The following CLEC5A variants were observed in gnomAD, a reference collection of about 807,000 sequenced individuals.
The protein encoded by CLEC5A is C-type lectin domain containing 5A, also known as C-type lectin domain family 5 member A.
Under a neutral mutation model 24.4 loss-of-function variants are expected in CLEC5A, and 15 were observed. The ratio of observed to expected loss-of-function variants is 0.62; its 90% CI spans 0.41 to 0.95. CLEC5A has a LOEUF of 0.95. CLEC5A is among the 40% of genes least tolerant of loss of function. CLEC5A has a pLI of 0.00. For missense variants in CLEC5A, 211 were observed against 224.0 expected (o/e 0.94, Z 0.37); for synonymous variants, 71 against 72.6 (o/e 0.98, Z 0.11).
Position 141,946,266 on chromosome 7 carries a change from C to T in CLEC5A, c.27G>A (p.Gly9=), listed in dbSNP as rs782162663. ...CAACTTTAAGCACTACCACAATAAG[C>T]CCAGAGATGATCATGTGCCAGTTCA... MNWHMIIS[G]LIVVVLKVVG... The change falls in exon 2 of 7, where the codon GGG becomes GGA. Residue 9 remains glycine (G), a synonymous_variant. Transcript: ENST00000546910. 6.4e-7 allele frequency: 1 copy of T among 1,572,452 alleles called. No individual in the cohort carries two copies. The highest frequency in any genetic ancestry group is 8.6e-7 in the Non-Finnish European group (1 of 1,157,666).
intron 5 of CLEC5A, among the ~76,000 whole-genome samples, chr7:141,935,128 G>A (rs1584845953): frequency 6.6e-6 from 1 of 152,182 alleles, no homozygotes; most frequent in Non-Finnish European, 1.5e-5. Flanking sequence ...CTAAATCACA[G>A]GAGGACTTTC....
chr7:141,944,832 T>C (rs1802904987), intron 3 of CLEC5A, among the ~76,000 whole-genome samples: 1 of 152,200 alleles, frequency 6.6e-6, no homozygotes, highest in African/African-American at 2.4e-5. Context: ...GAAACTACTT[T>C]GAGATTATAA....
chr7:141,928,399 C>T lies in CLEC5A; in HGVS notation c.*1705G>A, dbSNP rs1802360582. ...AGGATTAGGATTTCCTTTCTGTTGT[C>T]TGAGTTCTGGGGCTTGCCTTTGGCT... On this transcript the variant is annotated 3_prime_UTR_variant, in exon 7 of 7. Transcript: ENST00000546910. 1 of 152,488 alleles carries T rather than the reference C, an allele frequency of 6.6e-6. No homozygotes were observed. Among genetic ancestry groups the T allele is most frequent in the South Asian group, 2.1e-4 (1 of 4,834 alleles). The allele number at this position is 152,488 out of a possible 1,614,324, so 9.4% of individuals were successfully genotyped here.
At position 141,933,373 on chromosome 7, in the gene CLEC5A, A is replaced by G. The variant is rs1475507099; in HGVS notation, c.346-1547T>C. On this transcript the variant is annotated intron_variant, in intron 5 of 6. Transcript: ENST00000546910. ...ATAGGCAGGTGGGGAAGCAGCCTGG[A>G]GCTCTTGAGGAACTACGAGATGCTC... Among the ~76,000 whole-genome samples, 4 of 151,932 alleles carry G rather than the reference A, an allele frequency of 2.6e-5. No individual in the cohort carries two copies. In the East Asian group the frequency reaches 7.8e-4, roughly 29 times the overall value.
At chr7:141,931,639 T>TC in intron 6 of CLEC5A, 81 bp downstream of exon 6, 1 of 805,062 alleles carries the variant, frequency 1.2e-6, no homozygotes, top group Non-Finnish European at 2.3e-6. Flanking sequence ...TTTGAGCTAT[T>TC]CCAGGGTGAA....
intron 6 of CLEC5A, 89 bp downstream of exon 6, chr7:141,931,631 T>C: frequency 1.3e-6 from 1 of 770,836 alleles, no homozygotes; most frequent in Non-Finnish European, 2.4e-6. Flanking sequence ...TGTCAGCGTT[T>C]GAGCTATTCC....
At chr7:141,941,528 G>A (rs1397211560) in intron 4 of CLEC5A, among the ~76,000 whole-genome samples, 1 of 151,998 alleles carries the variant, frequency 6.6e-6, no homozygotes, top group Non-Finnish European at 1.5e-5. Context: ...TGGCAAGGCC[G>A]CACTCGCTTT....
chr7:141,933,508 C>A (rs1410358954), intron 5 of CLEC5A, among the ~76,000 whole-genome samples: 1 of 146,454 alleles, frequency 6.8e-6, no homozygotes, highest in Admixed American at 6.9e-5. Flanking sequence ...CATGGATGTG[C>A]TTTGGTCAAG....
At chr7:141,938,546 AATAG>A (rs1443418133) in intron 4 of CLEC5A, among the ~76,000 whole-genome samples, 2 of 152,188 alleles carry the variant, frequency 1.3e-5, no homozygotes, top group East Asian at 3.9e-4. Context: ...GAAGTAGAGA[AATAG>A]ATAGGGGTAG....
Position 141,935,958 on chromosome 7 carries a change from G to C in CLEC5A, c.209-8C>G, listed in dbSNP as rs1554441039. ...CCCAGTCTTTGGGGCAGACTGAAGA[G>C]GTCCAAGAAAGGAGAGTACGAGTTT... is the stretch of plus-strand genomic sequence containing the variant. On this transcript the variant is annotated splice_region_variant and splice_polypyrimidine_tract_variant and intron_variant, in intron 4 of 6. Coordinates refer to ENST00000546910, the MANE Select transcript of CLEC5A (RefSeq NM_013252.3). 2 of 1,612,030 alleles carry C rather than the reference G, an allele frequency of 1.2e-6. No individual in the cohort carries two copies. Among genetic ancestry groups the C allele is most frequent in the African/African-American group, 2.7e-5 (2 of 75,002 alleles).
intron 5 of CLEC5A, among the ~76,000 whole-genome samples, chr7:141,934,626 T>TG (rs1802564258): frequency 1.6e-5 from 2 of 126,276 alleles, no homozygotes; most frequent in East Asian, 2.3e-4. Context: ...TTTTTTTTTT[T>TG]TTTTTTTTTT....
chr7:141,945,553 TG>T (rs1288374161), intron 2 of CLEC5A, among the ~76,000 whole-genome samples, 153 bp from the exon 3 acceptor site: 1 of 152,180 alleles, frequency 6.6e-6, no homozygotes, highest in Admixed American at 6.5e-5. Context: ...AATGTGGTTT[TG>T]TGAATACGTT....
At chr7:141,932,538 T>G (rs1297198987) in intron 5 of CLEC5A, among the ~76,000 whole-genome samples, 2 of 152,228 alleles carry the variant, frequency 1.3e-5, no homozygotes, top group Non-Finnish European at 2.9e-5. Context: ...CCATGGCTAT[T>G]TCCTTAGTTT....
intron 5 of CLEC5A, 44 bp downstream of exon 5, chr7:141,935,770 T>C: frequency 6.3e-7 from 1 of 1,596,066 alleles, no homozygotes. Context: ...CCACTGAGGC[T>C]GTGTGGAGTG....
At position 141,935,874 on chromosome 7, in the gene CLEC5A, GC is replaced by G; in HGVS notation, c.284del (p.Ser95ThrfsTer21). On this transcript the variant is annotated frameshift_variant, in exon 5 of 7. Transcript: ENST00000546910. LOFTEE classifies it high-confidence loss of function. ...LSTSESSWNE[S>X]RDFCKGKGST... is the part of the protein sequence containing the mutation. ...ATCCTTTTCCTTTGCAAAAGTCCCT[GC>G]TTTCATTCCAAGATGATTCAGAAGT... is the stretch of plus-strand genomic sequence containing the variant. The G allele has an allele frequency of 6.2e-7, 1 of 1,613,554 alleles. No individual in the cohort carries two copies.
At position 141,928,469 on chromosome 7, in the gene CLEC5A, C is replaced by T. The variant is rs1042091843; in HGVS notation, c.*1635G>A. On this transcript the variant is annotated 3_prime_UTR_variant, in exon 7 of 7. Coordinates refer to ENST00000546910, the MANE Select transcript of CLEC5A (RefSeq NM_013252.3). ...TCTCCACCTAGACTCAGCCTTTCTT[C>T]CCTTCTCAACGGTAGCACTTATCCT... is the stretch of plus-strand genomic sequence containing the variant. 2.0e-5 allele frequency: 3 copies of T among 152,236 alleles called. No individual in the cohort carries two copies. Among genetic ancestry groups the T allele is most frequent in the Admixed American group, 1.3e-4 (2 of 15,288 alleles). The allele number at this position is 152,236 out of a possible 1,614,324, so 9.4% of individuals were successfully genotyped here.
Position 141,927,894 on chromosome 7 carries a change from G to A in CLEC5A, c.*2210C>T, listed in dbSNP as rs1802344168. 6.6e-6 allele frequency: 1 copy of A among 152,104 alleles called. No homozygotes were observed. Among genetic ancestry groups the A allele is most frequent in the Non-Finnish European group, 1.5e-5 (1 of 68,022 alleles). The allele number at this position is 152,104 out of a possible 1,614,324, so 9.4% of individuals were successfully genotyped here. The stretch of plus-strand genomic sequence containing the variant: ...TCTAATGCCATTGAGATACATAGAG[G>A]AATGTTATTTAATATGTGCAATAAT... On this transcript the variant is annotated 3_prime_UTR_variant, in exon 7 of 7. Transcript: ENST00000546910.
chr7:141,941,904 A>T (rs1802804435), intron 4 of CLEC5A, among the ~76,000 whole-genome samples: 1 of 152,152 alleles, frequency 6.6e-6, no homozygotes, highest in Non-Finnish European at 1.5e-5. Context: ...GAAAACTATA[A>T]AACATGGACA....
At position 141,929,474 on chromosome 7, in the gene CLEC5A, T is replaced by TGGCAA. The variant is rs1802387202; in HGVS notation, c.*629_*630insTTGCC. The stretch of plus-strand genomic sequence containing the variant: ...AGAACAGAAATCTAGTGTGTTTGGC[T>TGGCAA]CCCTTGGCTGCCTGGTTTTCTTCAA... On this transcript the variant is annotated 3_prime_UTR_variant, in exon 7 of 7. Coordinates refer to ENST00000546910, the MANE Select transcript of CLEC5A (RefSeq NM_013252.3). 6.6e-6 allele frequency: 1 copy of TGGCAA among 152,206 alleles called. No homozygotes were observed. Among genetic ancestry groups the TGGCAA allele is most frequent in the Non-Finnish European group, 1.5e-5 (1 of 68,092 alleles). The allele number at this position is 152,206 out of a possible 1,614,324, so 9.4% of individuals were successfully genotyped here.
Sources: gnomAD v4.1 joint callset for allele counts (sites outside exome capture counted in the v4.1 genomes callset) on GRCh38, gnomAD v4.1.1 for gene constraint, MANE v1.5 for transcripts, NCBI Gene and HGNC (gene_info 2026-07-23, HGNC 2026-07-21) for gene names.